DCTN1: variants seen among roughly 807,000 people sequenced by gnomAD.
DCTN1 encodes dynactin subunit 1.
A neutral mutation model predicts 161.2 loss-of-function variants in DCTN1; 61 were observed. The observed-to-expected ratio is 0.38, with a 90% confidence interval of 0.31 to 0.47. The LOEUF (loss-of-function observed/expected upper bound fraction) is 0.47. DCTN1 is among the 20% of genes least tolerant of loss of function. The pLI is 0.99. For synonymous variants in DCTN1, 653 were observed against 632.4 expected, an observed-to-expected ratio of 1.03 and a Z score of -0.49; for missense variants, 1,404 against 1,623.7, an observed-to-expected ratio of 0.86 and a Z score of 2.33.
At chr2:74,368,467 G>T in intron 16 of DCTN1, 1 of 626,716 alleles carries the variant, frequency 1.6e-6, no homozygotes, top group Non-Finnish European at 2.8e-6. Flanking sequence ...GCACCTCCTG[G>T]CCCTCAGACA....
intron 18 of DCTN1, 94 bp from the exon 19 acceptor site, chr2:74,367,514 T>C: frequency 1.3e-6 from 2 of 1,514,926 alleles, no homozygotes; most frequent in Non-Finnish European, 1.8e-6. Flanking sequence ...ATCATGGGTC[T>C]CTGGAGGTAC....
At chr2:74,375,193 T>G (rs925866853) in intron 5 of DCTN1, among the ~76,000 whole-genome samples, 3 of 152,188 alleles carry the variant, frequency 2.0e-5, no homozygotes, top group African/African-American at 7.2e-5. Flanking sequence ...GCAGCTCTAA[T>G]GACTGTTGGG....
rs1674348259 is a variant in DCTN1 at position 74,365,629 on chromosome 2, C to T, written c.2915G>A (p.Arg972Gln). 2 of 1,613,990 alleles carry T rather than the reference C, an allele frequency of 1.2e-6. No homozygotes were observed. Among genetic ancestry groups the T allele is most frequent in the Non-Finnish European group, 1.7e-6 (2 of 1,180,006 alleles). Residue 972 changes from arginine (R) to glutamine (Q), a missense_variant, in exon 25 of 32, where the codon CGG becomes CAG. Coordinates refer to ENST00000628224, the MANE Select transcript of DCTN1 (RefSeq NM_004082.5). ...KGEELSEANV[R>Q]LSLLEKKLDS... ...CAACTTCTTCTCCAGGAGGCTCAGC[C>T]GCACATTGGCCTCACTTAGCTCCTC...
At position 74,378,235 on chromosome 2, in the gene DCTN1, C is replaced by T; in HGVS notation, c.44G>A (p.Gly15Asp). 6.2e-7 allele frequency: 1 copy of T among 1,608,368 alleles called. No individual in the cohort carries two copies. Among genetic ancestry groups the T allele is most frequent in the Non-Finnish European group, 8.5e-7 (1 of 1,180,012 alleles). The change falls in exon 2 of 32, where the codon GGC becomes GAC. Residue 15 changes from glycine to aspartate, a missense_variant. Coordinates refer to ENST00000628224, the MANE Select transcript of DCTN1 (RefSeq NM_004082.5). ...KRHVYSRTPS[G>D]SRMSAEASAR... ...GCTTGCCTCCGCACTCATCCTGCTG[C>T]CGCTGGGCGTCTGAAAGACACAGGT...
At chr2:74,387,753 C>T (rs1182259254) in intron 1 of DCTN1, among the ~76,000 whole-genome samples, 1 of 148,640 alleles carries the variant, frequency 6.7e-6, no homozygotes, top group Admixed American at 6.6e-5. Context: ...TCCCGATGTC[C>T]CTGAACCAGG....
rs931346653 is a variant in DCTN1 at position 74,369,154 on chromosome 2, G to A, written c.1645C>T (p.Pro549Ser). The change falls in exon 15 of 32, where the codon CCT (proline) becomes TCT (serine). Residue 549 changes from proline to serine, a missense_variant. Coordinates refer to ENST00000628224, the MANE Select transcript of DCTN1 (RefSeq NM_004082.5). This position sits in a 1 kb window ranked among gnomAD's most constrained non-coding sequence, Gnocchi z 4.9. ...ATTTTGAAGTCAAAGGTCTCTGGAG[G>A]TGGCTGCTGTTGCCTCTCCACAGAT... ...EASVERQQQP[P>S]PETFDFKIKF... is the part of the protein sequence containing the mutation. The A allele has an allele frequency of 2.3e-5, 37 of 1,614,268 alleles. No individual in the cohort carries two copies. The highest frequency in any genetic ancestry group is 3.0e-5 in the Non-Finnish European group (35 of 1,180,050).
At chr2:74,377,010 A>T (rs1222509123) in intron 4 of DCTN1, among the ~76,000 whole-genome samples, 1 of 152,230 alleles carries the variant, frequency 6.6e-6, no homozygotes, top group Non-Finnish European at 1.5e-5. Flanking sequence ...CTCTGCATCC[A>T]GCTTAAAACA....
In DCTN1 at chr2:74,361,615, C is replaced by T. The variant is rs184429549; in HGVS notation, c.3721G>A (p.Asp1241Asn). 55 of 1,614,174 alleles carry T rather than the reference C, an allele frequency of 3.4e-5. No homozygotes were observed. The East Asian group carries it at 1.1e-3, about 33-fold the overall frequency. ...GTCACTTTGCCCATGTAGACTGTGT[C>T]ATCCTGCTGCTCCTCCTTGGCCTGG... Reference protein sequence around the residue: ...FLRAKEEQQDDTVYMGKVTFS... With the variant: ...FLRAKEEQQDNTVYMGKVTFS... Residue 1241 changes from aspartate (D) to asparagine (N), a missense_variant, in exon 32 of 32, where the codon GAC (aspartate) becomes AAC (asparagine). By Grantham distance (23) the Asp-to-Asn change is conservative (BLOSUM62 1). Around this residue, in one of 9 missense-constraint regions of DCTN1, gnomAD observed 311 missense variants for 298.9 expected, o/e 1.04. Transcript: ENST00000628224.
At chr2:74,362,596 T>C in intron 30 of DCTN1, 54 bp downstream of exon 30, 1 of 1,581,392 alleles carries the variant, frequency 6.3e-7, no homozygotes, top group Middle Eastern at 1.7e-4. Flanking sequence ...CACAAGTGCC[T>C]GGCTCCACCA....
intron 1 of DCTN1, among the ~76,000 whole-genome samples, chr2:74,388,432 A>G (rs1368296384): frequency 1.3e-5 from 2 of 152,236 alleles, no homozygotes; most frequent in African/African-American, 4.8e-5. Context: ...GGTCGCATCA[A>G]TCACCAAAGT....
intron 29 of DCTN1, 123 bp downstream of exon 29, chr2:74,362,871 T>C (rs1674117250): frequency 3.0e-6 from 4 of 1,352,404 alleles, no homozygotes; most frequent in Non-Finnish European, 4.1e-6. Flanking sequence ...AACTGAACAG[T>C]GAAGCCAAAG....
rs779676968 is a variant in DCTN1 at position 74,361,553 on chromosome 2, C to A, written c.3783G>T (p.Arg1261=). ...GCAGCTGCTCCTGGGTCAGCACCAG[C>A]CGGTGTCGCTGTCCAAAACCAGCCG... ...SCAAGFGQRH[R]LVLTQEQLHQ... is the part of the protein sequence containing the mutation. The change falls in exon 32 of 32, where the codon CGG becomes CGT. Residue 1261 remains arginine, a synonymous_variant. Coordinates refer to ENST00000628224, the MANE Select transcript of DCTN1 (RefSeq NM_004082.5). The A allele has an allele frequency of 8.1e-6, 13 of 1,614,144 alleles. No homozygotes were observed. Among genetic ancestry groups the A allele is most frequent in the Non-Finnish European group, 1.1e-5 (13 of 1,180,016 alleles).
intron 19 of DCTN1, 32 bp downstream of exon 19, chr2:74,367,320 C>T (rs377676813): frequency 5.2e-5 from 84 of 1,612,024 alleles, no homozygotes; most frequent in African/African-American, 2.4e-4. Context: ...CTGATCTCCA[C>T]GGGGGCTCAA....
At chr2:74,383,099 T>TAA (rs777699877), upstream of DCTN1, among the ~76,000 whole-genome samples, 71 of 149,430 alleles carry the variant, frequency 4.8e-4, no homozygotes, top group African/African-American at 1.6e-3. Context: ...AAAAAATAAA[T>TAA]AAATAAAATA....
Position 74,361,346 on chromosome 2 carries a change from G to A in DCTN1, c.*153C>T, listed in dbSNP as rs1287449467. 1 of 1,080,922 alleles carries A rather than the reference G, an allele frequency of 9.3e-7. No homozygotes were observed. The highest frequency in any genetic ancestry group is 1.6e-5 in the African/African-American group (1 of 64,290). The allele number at this position is 1,080,922 out of a possible 1,614,324, so 67.0% of individuals were successfully genotyped here. A position where few individuals can be genotyped will look rare whatever the true frequency, so the allele number is the denominator to read the frequency against. ...TGGGGGAACCCGGGTCAAGGTGAAG[G>A]GGCAGGACGCTGAAAGGGTGGGAGT... On this transcript the variant is annotated 3_prime_UTR_variant, in exon 32 of 32. Transcript: ENST00000628224.
At chr2:74,367,155 C>T in intron 19 of DCTN1, 48 bp from the exon 20 acceptor site, 1 of 1,610,238 alleles carries the variant, frequency 6.2e-7, no homozygotes, top group Non-Finnish European at 8.5e-7. Flanking sequence ...AGGAGCCCTT[C>T]TGCCTTATCA....
intron 6 of DCTN1, chr2:74,373,346 C>T: frequency 6.1e-6 from 2 of 327,616 alleles, no homozygotes; most frequent in South Asian, 5.6e-5. Flanking sequence ...CGCCCAGCCA[C>T]CACTCCCAAG....
rs886056332 is a variant in DCTN1 at position 74,370,333 on chromosome 2, A to C, written c.1140T>G (p.Leu380=). ...CATGCTCCTGCTTCTCTGAGGAAGAAAGATCCCGCATCCTGCAGGGATGTG... is the reference window on the plus strand; with the variant it reads ...CATGCTCCTGCTTCTCTGAGGAAGACAGATCCCGCATCCTGCAGGGATGTG... ...LKDALVRMRD[L]SSSEKQEHVK... The change falls in exon 12 of 32, where the codon CTT becomes CTG. Residue 380 remains leucine, a synonymous_variant. Coordinates refer to ENST00000628224, the MANE Select transcript of DCTN1 (RefSeq NM_004082.5). The surrounding 1 kb of genome is among the most constrained non-coding windows in gnomAD (Gnocchi z 4.4). 1 of 1,614,048 alleles carries C rather than the reference A, an allele frequency of 6.2e-7. No individual in the cohort carries two copies. The highest frequency in any genetic ancestry group is 8.5e-7 in the Non-Finnish European group (1 of 1,180,032).
Position 74,369,592 on chromosome 2 carries a change from G to T in DCTN1, c.1393-101C>A. 2 of 1,182,990 alleles carry T rather than the reference G, an allele frequency of 1.7e-6. No individual in the cohort carries two copies. Among genetic ancestry groups the T allele is most frequent in the Non-Finnish European group, 2.5e-6 (2 of 799,946 alleles). 73.3% of individuals were successfully genotyped at this position (1,182,990 alleles called of 1,614,324 possible). On this transcript the variant is annotated intron_variant, in intron 13 of 31. Coordinates refer to ENST00000628224, the MANE Select transcript of DCTN1 (RefSeq NM_004082.5). The surrounding 1 kb of genome is among the most constrained non-coding windows in gnomAD (Gnocchi z 4.9). ...AGCACTTTGGGAGGTCAAAGCAGGCGGATCATGAGGTCGAGATCGAGATCA... is the reference window on the plus strand; with the variant it reads ...AGCACTTTGGGAGGTCAAAGCAGGCTGATCATGAGGTCGAGATCGAGATCA...
Sources: allele counts gnomAD v4.1 joint callset (sites outside exome capture counted in the v4.1 genomes callset), GRCh38; gene constraint gnomAD v4.1.1; regional missense constraint gnomAD v4.1.1; non-coding constraint Gnocchi (gnomAD v3.1); transcripts MANE v1.5; gene names NCBI Gene and HGNC (gene_info 2026-07-23, HGNC 2026-07-21).